The following MACROD2 variants were observed in gnomAD, a reference collection of about 807,000 sequenced individuals.
MACROD2 encodes mono-ADP ribosylhydrolase 2.
In MACROD2, 36 loss-of-function variants were observed where a neutral mutation model predicts 70.4. That is an observed-to-expected ratio of 0.51 (90% CI 0.39 to 0.68). The LOEUF (loss-of-function observed/expected upper bound fraction) is 0.68, where lower values mean the gene tolerates loss of function less well. MACROD2 is among the 30% of genes least tolerant of loss of function. The pLI is 0.00. For synonymous variants in MACROD2, 172 were observed against 178.8 expected (o/e 0.96, Z 0.30); for missense variants, 496 against 538.4 (o/e 0.92, Z 0.78).
intron 5 of MACROD2, among the ~76,000 whole-genome samples, chr20:14,741,785 G>T (rs1179878733): frequency 2.0e-5 from 3 of 151,834 alleles, no homozygotes; most frequent in African/African-American, 7.3e-5. Flanking sequence ...TAGTCACAAG[G>T]GGTCATAAAT....
chr20:15,585,365 T>G (rs2048584210), intron 8 of MACROD2, among the ~76,000 whole-genome samples: 1 of 151,868 alleles, frequency 6.6e-6, no homozygotes, highest in South Asian at 2.1e-4. Flanking sequence ...CCTAGATAAT[T>G]TTTTGTATTT....
intron 12 of MACROD2, among the ~76,000 whole-genome samples, chr20:15,951,276 C>A (rs1160116203): frequency 1.1e-4 from 16 of 146,696 alleles, no homozygotes; most frequent in South Asian, 2.2e-4. Context: ...AGCTATTCTG[C>A]CACTGTTCCT....
chr20:14,046,714 C>CA (rs1846989340), intron 2 of MACROD2, among the ~76,000 whole-genome samples: 15 of 133,098 alleles, frequency 1.1e-4, no homozygotes, highest in Non-Finnish European at 1.3e-4. Context: ...CAAGCATTCT[C>CA]TTTTATTTAT....
At chr20:14,991,377 GA>G (rs1302384180) in intron 5 of MACROD2, among the ~76,000 whole-genome samples, 1 of 151,990 alleles carries the variant, frequency 6.6e-6, no homozygotes, top group East Asian at 1.9e-4. Flanking sequence ...ACATTACAGT[GA>G]GAAAAATAAG....
chr20:15,541,127 G>C (rs991953675), intron 8 of MACROD2, among the ~76,000 whole-genome samples: 1 of 152,092 alleles, frequency 6.6e-6, no homozygotes, highest in African/African-American at 2.4e-5. Flanking sequence ...AGTGTTTGTG[G>C]GAGGAAATTA....
At chr20:15,736,718 G>A (rs978290192) in intron 8 of MACROD2, among the ~76,000 whole-genome samples, 4 of 152,194 alleles carry the variant, frequency 2.6e-5, no homozygotes, top group African/African-American at 7.2e-5. Context: ...ACTAACTGCA[G>A]ATGGAAAATA....
At chr20:15,626,878 A>G (rs543035481) in intron 8 of MACROD2, among the ~76,000 whole-genome samples, 1 of 152,104 alleles carries the variant, frequency 6.6e-6, no homozygotes, top group South Asian at 2.1e-4. Flanking sequence ...AAAAAATTGC[A>G]AATGACTGTA....
chr20:15,389,211 C>G (rs2045759650), intron 6 of MACROD2, among the ~76,000 whole-genome samples: 1 of 152,036 alleles, frequency 6.6e-6, no homozygotes, highest in Non-Finnish European at 1.5e-5. Flanking sequence ...AGAGGGTACC[C>G]AGTTAAATTT....
chr20:15,368,680 C>T (rs1600304213), intron 6 of MACROD2, among the ~76,000 whole-genome samples: 1 of 152,090 alleles, frequency 6.6e-6, no homozygotes, highest in African/African-American at 2.4e-5. Context: ...CCAGGCTGGT[C>T]CCTAACTCCT....
At chr20:15,841,339 C>A (rs988733402) in intron 8 of MACROD2, among the ~76,000 whole-genome samples, 11 of 151,870 alleles carry the variant, frequency 7.2e-5, no homozygotes, top group African/African-American at 1.2e-4. Context: ...TCTCACATCG[C>A]CATAAAGAAA....
intron 5 of MACROD2, among the ~76,000 whole-genome samples, chr20:14,907,547 A>G (rs1383215916): frequency 6.6e-6 from 1 of 152,212 alleles, no homozygotes; most frequent in East Asian, 1.9e-4. Context: ...ATCAATGAGA[A>G]GGCAATTCAC....
At chr20:14,016,995 C>A (rs2053002130) in intron 2 of MACROD2, among the ~76,000 whole-genome samples, 1 of 152,072 alleles carries the variant, frequency 6.6e-6, no homozygotes, top group African/African-American at 2.4e-5. Flanking sequence ...TGTCTTTCTA[C>A]TTACTTATGT....
intron 5 of MACROD2, among the ~76,000 whole-genome samples, chr20:14,811,344 T>G (rs2072708247): frequency 6.6e-6 from 1 of 152,132 alleles, no homozygotes; most frequent in South Asian, 2.1e-4. Flanking sequence ...GGGAAAGGAT[T>G]CCCTATTTAA....
intron 5 of MACROD2, among the ~76,000 whole-genome samples, chr20:15,041,344 C>T (rs185303190): frequency 1.3e-5 from 2 of 152,038 alleles, no homozygotes; most frequent in Admixed American, 1.3e-4. Flanking sequence ...TTCAATTGCC[C>T]ACTTCTGGCC....
intron 5 of MACROD2, among the ~76,000 whole-genome samples, chr20:15,200,825 G>A (rs2076649654): frequency 6.6e-6 from 1 of 152,166 alleles, no homozygotes; most frequent in East Asian, 1.9e-4. Flanking sequence ...TTCTGATTCA[G>A]TGGGCCTGAG....
chr20:14,222,201 C>G (rs2081681558), intron 3 of MACROD2, among the ~76,000 whole-genome samples: 1 of 152,034 alleles, frequency 6.6e-6, no homozygotes, highest in South Asian at 2.1e-4. Flanking sequence ...TATCACAGCA[C>G]AATATTCACA....
intron 9 of MACROD2, among the ~76,000 whole-genome samples, chr20:15,867,331 C>A (rs956091000): frequency 4.6e-5 from 7 of 152,118 alleles, no homozygotes; most frequent in African/African-American, 7.2e-5. Flanking sequence ...TGTAGAAATG[C>A]TTTAAGAAAC....
chr20:14,849,951 C>T (rs1196350748), intron 5 of MACROD2: 2 of 512,916 alleles, frequency 3.9e-6, no homozygotes, highest in African/African-American at 1.9e-5. Context: ...TCTCCTACAC[C>T]TGAAGAGATC....
chr20:14,056,225 T>C (rs2053629588), intron 2 of MACROD2, among the ~76,000 whole-genome samples: 1 of 152,106 alleles, frequency 6.6e-6, no homozygotes, highest in Admixed American at 6.6e-5. Flanking sequence ...AGAATTTTCT[T>C]ATGATATTTG....
Sources: allele counts gnomAD v4.1 joint callset (sites outside exome capture counted in the v4.1 genomes callset), GRCh38; gene constraint gnomAD v4.1.1; transcripts MANE v1.5; gene names NCBI Gene and HGNC (gene_info 2026-07-23, HGNC 2026-07-21).